The following TOX3 variants were observed in gnomAD, a reference collection of about 807,000 sequenced individuals.
The protein encoded by TOX3 is TOX high mobility group box family member 3, also known as CAG trinucleotide repeat-containing gene F9 protein.
Under a neutral mutation model 64.3 loss-of-function variants are expected in TOX3, and 22 were observed. The ratio of observed to expected loss-of-function variants is 0.34; its 90% CI spans 0.24 to 0.49. The LOEUF (loss-of-function observed/expected upper bound fraction) is 0.49. TOX3 is among the 20% of genes least tolerant of loss of function. TOX3 has a pLI of 0.99. For missense variants in TOX3, 661 were observed against 714.4 expected (o/e 0.93, Z 0.85); for synonymous variants, 291 against 273.6 (o/e 1.06, Z -0.63).
At chr16:52,545,929 GA>G (rs1361778736) in intron 1 of TOX3, among the ~76,000 whole-genome samples, 1 of 152,168 alleles carries the variant, frequency 6.6e-6, no homozygotes, top group Non-Finnish European at 1.5e-5. Context: ...AAGGTGGAGT[GA>G]CCCCAGGGTG....
chr16:52,509,294 C>G (rs891775454), intron 1 of TOX3, among the ~76,000 whole-genome samples: 1 of 152,124 alleles, frequency 6.6e-6, no homozygotes, highest in African/African-American at 2.4e-5. Context: ...TAAAAATACT[C>G]CTTTTAGAGA....
intron 6 of TOX3, among the ~76,000 whole-genome samples, chr16:52,441,537 A>G: frequency 6.6e-6 from 1 of 152,206 alleles, no homozygotes; most frequent in East Asian, 1.9e-4. Context: ...CACTAATGCA[A>G]CAGTGATTGG....
intron 4 of TOX3, among the ~76,000 whole-genome samples, chr16:52,449,855 C>T (rs551167279): frequency 3.3e-5 from 5 of 152,332 alleles, no homozygotes; most frequent in African/African-American, 1.2e-4. Flanking sequence ...TCACCGAAGC[C>T]GCAAGGCTGT....
Position 52,463,963 on chromosome 16 carries a change from C to T in TOX3, c.379G>A (p.Gly127Ser). The part of the protein sequence containing the change: ...TISRNLVEQD[G>S]VLHSSGLHMD... ...TGCAACCCACTGCTATGAAGCACGC[C>T]ATCTTGTTCCACGAGATTTCTTGAG... The change falls in exon 3 of 7, where the codon GGC becomes AGC. Residue 127 changes from glycine to serine, a missense_variant. By Grantham distance (56) the Gly-to-Ser change is moderately conservative (BLOSUM62 0). Transcript: ENST00000219746. 2 of 1,578,804 alleles carry T rather than the reference C, an allele frequency of 1.3e-6. No individual in the cohort carries two copies. The highest frequency in any genetic ancestry group is 2.3e-5 in the East Asian group (1 of 43,278).
chr16:52,457,400 A>G (rs1292397752), intron 3 of TOX3, among the ~76,000 whole-genome samples: 2 of 152,174 alleles, frequency 1.3e-5, no homozygotes, highest in Non-Finnish European at 2.9e-5. Context: ...TTCTATCTAT[A>G]CTTACACAGA....
intron 4 of TOX3, among the ~76,000 whole-genome samples, chr16:52,448,968 A>G (rs747079189): frequency 1.2e-4 from 18 of 152,208 alleles, no homozygotes; most frequent in Admixed American, 3.3e-4. Flanking sequence ...TGGCTCTCAA[A>G]CTAAAACCCA....
At chr16:52,471,787 G>A (rs571460158) in intron 1 of TOX3, among the ~76,000 whole-genome samples, 2 of 152,230 alleles carry the variant, frequency 1.3e-5, no homozygotes, top group Non-Finnish European at 1.5e-5. Flanking sequence ...TTTCCAAACT[G>A]GGACTAATCA....
Position 52,439,218 on chromosome 16 carries a change from T to G in TOX3, c.*7A>C. On this transcript the variant is annotated 3_prime_UTR_variant, in exon 7 of 7. Coordinates refer to ENST00000219746, the MANE Select transcript of TOX3 (RefSeq NM_001080430.4). The stretch of plus-strand genomic sequence containing the variant: ...GGTATACGCAAATCCGTCTGCCATA[T>G]GCGTCTTCAGAAAATACTGACCTGC... The G allele has an allele frequency of 6.2e-7, 1 of 1,613,880 alleles. No homozygotes were observed. Among genetic ancestry groups the G allele is most frequent in the South Asian group, 1.1e-5 (1 of 91,070 alleles).
At chr16:52,512,335 T>A (rs1440230961) in intron 1 of TOX3, among the ~76,000 whole-genome samples, 1 of 152,188 alleles carries the variant, frequency 6.6e-6, no homozygotes, top group African/African-American at 2.4e-5. Flanking sequence ...ACTAGGAAGC[T>A]GACAGATTGA....
chr16:52,493,342 C>T (rs1318808957), intron 1 of TOX3, among the ~76,000 whole-genome samples: 1 of 152,120 alleles, frequency 6.6e-6, no homozygotes, highest in Non-Finnish European at 1.5e-5. Flanking sequence ...TCTCAGAATC[C>T]AGCTCTTTGG....
intron 1 of TOX3, among the ~76,000 whole-genome samples, chr16:52,489,740 C>G (rs761063781): frequency 1.3e-4 from 20 of 152,136 alleles, no homozygotes; most frequent in Non-Finnish European, 2.1e-4. Flanking sequence ...TTCAACAAAT[C>G]AAATACAGAG....
chr16:52,467,127 A>G (rs1960891233), intron 2 of TOX3, among the ~76,000 whole-genome samples: 1 of 152,208 alleles, frequency 6.6e-6, no homozygotes, highest in Non-Finnish European at 1.5e-5. Context: ...TAAAAATGCA[A>G]ATCTGGAGAA....
At chr16:52,462,238 C>A (rs1302622454) in intron 3 of TOX3, among the ~76,000 whole-genome samples, 5 of 152,082 alleles carry the variant, frequency 3.3e-5, no homozygotes, top group Non-Finnish European at 5.9e-5. Context: ...TAGTGATTAG[C>A]CATACATTAC....
chr16:52,539,603 C>A (rs969398761), intron 1 of TOX3, among the ~76,000 whole-genome samples: 1 of 152,180 alleles, frequency 6.6e-6, no homozygotes, highest in Non-Finnish European at 1.5e-5. Flanking sequence ...CTGTCTCCTT[C>A]CTCTTGAAGG....
At chr16:52,462,735 AC>A (rs1960728987) in intron 3 of TOX3, among the ~76,000 whole-genome samples, 1 of 152,124 alleles carries the variant, frequency 6.6e-6, no homozygotes, top group Admixed American at 6.5e-5. Flanking sequence ...TGTCAAAGGT[AC>A]AAAAATATAA....
chr16:52,478,265 A>T (rs919434474), intron 1 of TOX3, among the ~76,000 whole-genome samples: 13 of 152,134 alleles, frequency 8.5e-5, no homozygotes, highest in Non-Finnish European at 1.8e-4. Context: ...AGCAGCTGCC[A>T]CCCACTAAGC....
At chr16:52,463,481 T>C (rs1960756440) in intron 3 of TOX3, among the ~76,000 whole-genome samples, 1 of 152,236 alleles carries the variant, frequency 6.6e-6, no homozygotes, top group Non-Finnish European at 1.5e-5. Flanking sequence ...CTTTTTCCCT[T>C]TTTTGGTATC....
Position 52,525,798 on chromosome 16 carries a change from C to T in TOX3, c.87+20839G>A, listed in dbSNP as rs1188177343. Among the ~76,000 whole-genome samples, 8 of 152,148 alleles carry T rather than the reference C, an allele frequency of 5.3e-5. No homozygotes were observed. In the South Asian group the frequency reaches 1.4e-3, roughly 28 times the overall value. On this transcript the variant is annotated intron_variant, in intron 1 of 6. Transcript: ENST00000219746. The stretch of plus-strand genomic sequence containing the variant: ...CAGTGATAATGCACTTTAATGGAAA[C>T]CTGCCTAATGAACCCAAAAGGAAAA...
At chr16:52,447,680 T>C (rs1244600196) in intron 4 of TOX3, among the ~76,000 whole-genome samples, 1 of 152,192 alleles carries the variant, frequency 6.6e-6, no homozygotes, top group Non-Finnish European at 1.5e-5. Context: ...GAGCCCATAG[T>C]CTTTTTTCTA....
Sources: gnomAD v4.1 joint callset for allele counts (sites outside exome capture counted in the v4.1 genomes callset) on GRCh38, gnomAD v4.1.1 for gene constraint, MANE v1.5 for transcripts, NCBI Gene and HGNC (gene_info 2026-07-23, HGNC 2026-07-21) for gene names.